The following C11orf65 variants were observed in gnomAD, a reference collection of about 807,000 sequenced individuals.
The protein encoded by C11orf65 is chromosome 11 open reading frame 65.
Under a neutral mutation model 35.3 loss-of-function variants are expected in C11orf65, and 38 were observed. That is an observed-to-expected ratio of 1.08 (90% CI 0.83 to 1.41). The LOEUF (loss-of-function observed/expected upper bound fraction) is 1.41. Ranked by LOEUF, C11orf65 falls within the 40% of genes most tolerant of loss-of-function variation. C11orf65 has a pLI of 0.00. For synonymous variants in C11orf65, 105 were observed against 114.4 expected, an observed-to-expected ratio of 0.92 and a Z score of 0.53; for missense variants, 370 against 367.1, an observed-to-expected ratio of 1.01 and a Z score of -0.06.
chr11:108,350,852 G>A (rs969233155), intron 2 of C11orf65, among the ~76,000 whole-genome samples: 4 of 151,818 alleles, frequency 2.6e-5, no homozygotes, highest in Admixed American at 2.0e-4. Context: ...GGGTAAATTG[G>A]TACAACCCCT....
At chr11:108,334,533 TTGTC>T (rs1374059628) in intron 3 of C11orf65, among the ~76,000 whole-genome samples, 1 of 151,952 alleles carries the variant, frequency 6.6e-6, no homozygotes, top group African/African-American at 2.4e-5. Flanking sequence ...CTTAAATACA[TTGTC>T]TTTCTTTTCA....
intron 3 of C11orf65, among the ~76,000 whole-genome samples, chr11:108,418,316 T>C (rs959483743): frequency 6.2e-4 from 95 of 152,174 alleles, no homozygotes; most frequent in South Asian, 8.3e-4. Flanking sequence ...TCTTTTCAAG[T>C]ACAGATAAAA....
chr11:108,316,783 G>A (rs1259766682), intron 6 of C11orf65, among the ~76,000 whole-genome samples: 10 of 143,130 alleles, frequency 7.0e-5, no homozygotes, highest in East Asian at 4.1e-4. Context: ...AAAATTAGCC[G>A]GGTGTGGTGG....
In C11orf65 at chr11:108,455,815, C is replaced by CAAAAAAAAAAA. The variant is rs112701513; in HGVS notation, c.81+5653_81+5663dup. ...TGGGTGACAGAGCAAGACTCCACCT[C>CAAAAAAAAAAA]AAAAAAAAAAAAAAAAAAAAAAAAA... On this transcript the variant is annotated intron_variant, in intron 2 of 8. Transcript: ENST00000393084. 5.3e-5 allele frequency among the ~76,000 whole-genome samples: 3 copies of CAAAAAAAAAAA among 56,154 alleles called. 1 individual carries two copies. Among genetic ancestry groups the CAAAAAAAAAAA allele is most frequent in the Non-Finnish European group, 9.7e-5 (3 of 30,908 alleles). The allele number at this position is 56,154 out of a possible 152,430, so 36.8% of individuals were successfully genotyped here.
At position 108,422,837 on chromosome 11, in the gene C11orf65, G is replaced by A. The variant is rs1034020042; in HGVS notation, c.174+8909C>T. Reference sequence around the variant, plus strand: ...GCGGAGGTTGCAGTGAGCCAAGATCGCACCATGGGACTCCAGCCTGGGCGA... The same window carrying A: ...GCGGAGGTTGCAGTGAGCCAAGATCACACCATGGGACTCCAGCCTGGGCGA... On this transcript the variant is annotated intron_variant, in intron 3 of 8. Transcript: ENST00000393084. Among the ~76,000 whole-genome samples the A allele has an allele frequency of 5.3e-5, 8 of 150,224 alleles. No homozygotes were observed. In the East Asian group the frequency reaches 7.8e-4, roughly 15 times the overall value.
chr11:108,452,932 T>C (rs540195948), intron 2 of C11orf65, among the ~76,000 whole-genome samples: 1 of 136,512 alleles, frequency 7.3e-6, no homozygotes, highest in South Asian at 2.3e-4. Flanking sequence ...TGCTCCCTCA[T>C]AGGTGGGAAT....
intron 2 of C11orf65, among the ~76,000 whole-genome samples, chr11:108,455,011 A>G (rs1285575794): frequency 6.6e-6 from 1 of 152,174 alleles, no homozygotes; most frequent in Non-Finnish European, 1.5e-5. Context: ...ATTTATTGCT[A>G]TGAAATTCCC....
intron 3 of C11orf65, among the ~76,000 whole-genome samples, chr11:108,418,751 AAG>A (rs1428260217): frequency 3.3e-5 from 5 of 152,120 alleles, no homozygotes; most frequent in Non-Finnish European, 7.4e-5. Context: ...ATAAACTCCA[AAG>A]AGACTGCTCA....
intron 7 of C11orf65, among the ~76,000 whole-genome samples, chr11:108,388,265 T>C (rs1482307368): frequency 2.6e-5 from 4 of 152,170 alleles, no homozygotes; most frequent in Non-Finnish European, 4.4e-5. Context: ...ATGACTTTTA[T>C]TCCATTATTT....
intron 6 of C11orf65, among the ~76,000 whole-genome samples, chr11:108,396,614 G>C (rs1028794847): frequency 1.5e-4 from 22 of 151,422 alleles, no homozygotes; most frequent in African/African-American, 4.6e-4. Context: ...GGCGGATCAC[G>C]AGGTCAGGAG....
At chr11:108,333,524 CAA>C (rs1011952658) in intron 3 of C11orf65, among the ~76,000 whole-genome samples, 6 of 152,112 alleles carry the variant, frequency 3.9e-5, no homozygotes, top group South Asian at 2.1e-4. Flanking sequence ...TCTAAGCAAA[CAA>C]AAAGTATTGA....
intron 2 of C11orf65, among the ~76,000 whole-genome samples, chr11:108,451,020 A>T (rs1347673706): frequency 6.6e-6 from 1 of 151,984 alleles, no homozygotes; most frequent in African/African-American, 2.4e-5. Context: ...AAATAATAAC[A>T]GCTATTTATG....
intron 1 of C11orf65, among the ~76,000 whole-genome samples, chr11:108,461,901 G>A (rs532669987): frequency 5.3e-5 from 8 of 151,940 alleles, no homozygotes; most frequent in African/African-American, 1.2e-4. Context: ...GATTGTAAGC[G>A]TGAGCCACCG....
chr11:108,393,392 A>G lies in C11orf65; in HGVS notation c.561-14T>C. 1 of 1,606,608 alleles carries G rather than the reference A, an allele frequency of 6.2e-7. No homozygotes were observed. Among genetic ancestry groups the G allele is most frequent in the Non-Finnish European group, 8.5e-7 (1 of 1,173,776 alleles). On this transcript the variant is annotated splice_polypyrimidine_tract_variant and intron_variant, in intron 6 of 8. Transcript: ENST00000393084. ...CCTGAGTAGTACCTAAATAGGCAAA[A>G]GGGAAAGAGAAGTAAATCTTTTGAA...
At chr11:108,332,616 A>G (rs2086383787) in intron 3 of C11orf65, 1 of 860,504 alleles carries the variant, frequency 1.2e-6, no homozygotes, top group Non-Finnish European at 1.8e-6. Flanking sequence ...TTCATTTATG[A>G]CTGTTTTGTT....
chr11:108,311,434 G>A (rs994810245), intron 6 of C11orf65, among the ~76,000 whole-genome samples: 1 of 152,142 alleles, frequency 6.6e-6, no homozygotes, highest in Admixed American at 6.5e-5. Flanking sequence ...AGTGGCTCAC[G>A]CATGTAATCC....
At chr11:108,357,944 A>G (rs2090219909) in intron 2 of C11orf65, among the ~76,000 whole-genome samples, 1 of 150,870 alleles carries the variant, frequency 6.6e-6, no homozygotes, top group Admixed American at 6.6e-5. Flanking sequence ...AGCTGGATGG[A>G]GAATGACTTT....
intron 2 of C11orf65, among the ~76,000 whole-genome samples, chr11:108,372,485 G>C (rs764381174): frequency 5.9e-5 from 9 of 152,216 alleles, no homozygotes; most frequent in Non-Finnish European, 1.2e-4. Context: ...GAGCCACTGT[G>C]CCTGGCCAAT....
At chr11:108,431,178 A>C (rs77235953) in intron 3 of C11orf65, among the ~76,000 whole-genome samples, 2 of 147,254 alleles carry the variant, frequency 1.4e-5, no homozygotes, top group Non-Finnish European at 3.0e-5. Flanking sequence ...TAGTATAAAC[A>C]AAAAAAAAAT....
Sources: allele counts gnomAD v4.1 joint callset (sites outside exome capture counted in the v4.1 genomes callset), GRCh38; gene constraint gnomAD v4.1.1; transcripts MANE v1.5; gene names NCBI Gene and HGNC (gene_info 2026-07-23, HGNC 2026-07-21).